The following CYP2C19 variants were observed in gnomAD, a reference collection of about 807,000 sequenced individuals.
CYP2C19 encodes the protein cytochrome P450 family 2 subfamily C member 19.
In CYP2C19, 59 loss-of-function variants were observed where a neutral mutation model predicts 40.9. The observed-to-expected ratio is 1.44, with a 90% CI of 1.17 to 1.79. CYP2C19 has a LOEUF of 1.79. Ranked by LOEUF, CYP2C19 falls within the 40% of genes most tolerant of loss-of-function variation. The probability of loss-of-function intolerance (pLI) is 0.00; values close to 1 mark genes in which losing one functional copy is unlikely to be tolerated. For missense variants in CYP2C19, 754 were observed against 596.9 expected (o/e 1.26, Z -2.74); for synonymous variants, 253 against 208.7 (o/e 1.21, Z -1.83).
chr10:94,829,571 A>C (rs1276755268), intron 6 of CYP2C19, among the ~76,000 whole-genome samples: 4 of 152,032 alleles, frequency 2.6e-5, no homozygotes, highest in African/African-American at 7.2e-5. Context: ...TTTTTTTCAA[A>C]GTTTTCAACT....
rs547041735 is a variant in CYP2C19, at chr10:94,848,928, G to T, written c.1150-989G>T. ...CTTGTGATTTTTGTCCATTGATTTT[G>T]TATCCTGAGACTTTGCTGAAGTTGT... is the stretch of plus-strand genomic sequence containing the variant. On this transcript the variant is annotated intron_variant, in intron 7 of 8. Transcript: ENST00000371321. Among the ~76,000 whole-genome samples the T allele has an allele frequency of 3.1e-3, 474 of 152,258 alleles. 3 individuals are homozygous for T. The highest frequency in any genetic ancestry group is 0.011 in the African/African-American group (451 of 41,540).
intron 1 of CYP2C19, among the ~76,000 whole-genome samples, chr10:94,766,409 G>T (rs1452621692): frequency 6.6e-6 from 1 of 152,082 alleles, no homozygotes; most frequent in African/African-American, 2.4e-5. Flanking sequence ...CGAGTAAAAG[G>T]TAGGAGTAAA....
At position 94,788,451 on chromosome 10, in the gene CYP2C19, T is replaced by C. The variant is rs542113581; in HGVS notation, c.819+6454T>C. The stretch of plus-strand genomic sequence containing the variant: ...TGGGGTACATCTGCAGAACGTGCAG[T>C]TTTGCTACATAGGTATATACGCACC... On this transcript the variant is annotated intron_variant, in intron 5 of 8. Transcript: ENST00000371321. 1.7e-4 allele frequency among the ~76,000 whole-genome samples: 26 copies of C among 152,186 alleles called. No homozygotes were observed. In the South Asian group the frequency reaches 4.6e-3, roughly 27 times the overall value.
intron 5 of CYP2C19, 41 bp from the exon 6 acceptor site, chr10:94,820,455 G>T (rs1416118556): frequency 6.2e-7 from 1 of 1,608,630 alleles, no homozygotes; most frequent in Non-Finnish European, 8.5e-7. Flanking sequence ...CAAATATGCT[G>T]TTAAATAATT....
chr10:94,790,573 G>A (rs945465314), intron 5 of CYP2C19, among the ~76,000 whole-genome samples: 11 of 152,060 alleles, frequency 7.2e-5, no homozygotes, highest in East Asian at 1.9e-4. Flanking sequence ...GAATTTTGTC[G>A]AAGGCCTTTT....
rs774997677 is a variant in CYP2C19 at position 94,820,538 on chromosome 10, G to A, written c.862G>A (p.Val288Ile). Residue 288 changes from valine (V) to isoleucine (I), a missense_variant, in exon 6 of 9, where the codon GTA (valine) becomes ATA (isoleucine). By Grantham distance (29) the Val-to-Ile change is conservative. Coordinates refer to ENST00000371321, the MANE Select transcript of CYP2C19 (RefSeq NM_000769.4). ...QQSEFTIENLVITAADLLGAG... is the reference protein window; with the variant it reads ...QQSEFTIENLIITAADLLGAG... ...GTCTGAATTCACTATTGAAAACTTG[G>A]TAATCACTGCAGCTGACTTACTTGG... 4.5e-5 allele frequency: 73 copies of A among 1,614,024 alleles called. No homozygotes were observed. The highest frequency in any genetic ancestry group is 5.8e-5 in the Non-Finnish European group (69 of 1,180,026).
chr10:94,818,272 A>G (rs1849044849), intron 5 of CYP2C19, among the ~76,000 whole-genome samples: 1 of 147,660 alleles, frequency 6.8e-6, no homozygotes, highest in African/African-American at 2.5e-5. Flanking sequence ...TACCAGTACC[A>G]TGCTGTTTTG....
chr10:94,840,365 C>T (rs771254525), intron 6 of CYP2C19, among the ~76,000 whole-genome samples: 3 of 151,614 alleles, frequency 2.0e-5, no homozygotes, highest in South Asian at 2.1e-4. Context: ...ATGGGTCCCA[C>T]GTAACTGCCC....
At chr10:94,794,120 G>A (rs757106029) in intron 5 of CYP2C19, among the ~76,000 whole-genome samples, 9 of 152,156 alleles carry the variant, frequency 5.9e-5, no homozygotes, top group Non-Finnish European at 1.3e-4. Context: ...TGCTGTGCTA[G>A]CATTGAGCGA....
intron 3 of CYP2C19, 132 bp from the exon 4 acceptor site, chr10:94,780,366 CT>C (rs1352829600): frequency 5.9e-6 from 7 of 1,184,526 alleles, no homozygotes; most frequent in Non-Finnish European, 7.0e-6. Context: ...ATGCCAAACT[CT>C]TTTTTGCTTT....
intron 1 of CYP2C19, among the ~76,000 whole-genome samples, chr10:94,771,571 C>T (rs1387785933): frequency 6.6e-6 from 1 of 152,078 alleles, no homozygotes; most frequent in East Asian, 1.9e-4. Flanking sequence ...AATGAGCCAC[C>T]TCTTTTTCAG....
chr10:94,802,685 T>C (rs1162797781), intron 5 of CYP2C19, among the ~76,000 whole-genome samples: 2 of 152,144 alleles, frequency 1.3e-5, no homozygotes, highest in African/African-American at 4.8e-5. Context: ...GAGTCAATGA[T>C]CTTTACAATT....
At chr10:94,847,936 C>T (rs1849597182) in intron 7 of CYP2C19, among the ~76,000 whole-genome samples, 1 of 151,980 alleles carries the variant, frequency 6.6e-6, no homozygotes, top group Non-Finnish European at 1.5e-5. Context: ...TTGTTTTTTT[C>T]TTGTAAATTT....
At chr10:94,826,532 T>A (rs1257487830) in intron 6 of CYP2C19, among the ~76,000 whole-genome samples, 2 of 152,238 alleles carry the variant, frequency 1.3e-5, no homozygotes, top group Non-Finnish European at 2.9e-5. Flanking sequence ...TTGCTGAAGT[T>A]GTTTATCAGC....
At position 94,850,299 on chromosome 10, in the gene CYP2C19, G is replaced by T. The variant is rs17882572; in HGVS notation, c.1291+241G>T. ...GAGAAAGCTGAAGTATAGGTTGGTT[G>T]AATTCTGCCTCTAGATACACCACTG... On this transcript the variant is annotated intron_variant, in intron 8 of 8. Transcript: ENST00000371321. 8.3e-3 allele frequency among the ~76,000 whole-genome samples: 1,269 copies of T among 152,230 alleles called. 21 individuals are homozygous for T. The highest frequency in any genetic ancestry group is 0.061 in the East Asian group (318 of 5,176).
At chr10:94,794,884 T>G (rs549571514) in intron 5 of CYP2C19, among the ~76,000 whole-genome samples, 1 of 152,206 alleles carries the variant, frequency 6.6e-6, no homozygotes, top group South Asian at 2.1e-4. Context: ...CCTAATTGAA[T>G]ACCCTTTATT....
In CYP2C19 at chr10:94,828,387, T is replaced by C. The variant is rs202041037; in HGVS notation, c.961+7750T>C. ...ATATATTTAGCATAGTTAGCTCTTC[T>C]TGTTGAATTGATCCCTTTACCATTA... On this transcript the variant is annotated intron_variant, in intron 6 of 8. Transcript: ENST00000371321. 5.0e-4 allele frequency among the ~76,000 whole-genome samples: 76 copies of C among 151,266 alleles called. No homozygotes were observed. The East Asian group carries it at 0.011, about 21-fold the overall frequency.
At chr10:94,790,525 T>C (rs1256884295) in intron 5 of CYP2C19, among the ~76,000 whole-genome samples, 1 of 152,166 alleles carries the variant, frequency 6.6e-6, no homozygotes, top group Non-Finnish European at 1.5e-5. Context: ...GTTCTATCAA[T>C]ACCTAATTTA....
intron 5 of CYP2C19, among the ~76,000 whole-genome samples, chr10:94,805,484 T>A (rs911490455): frequency 6.6e-6 from 1 of 152,226 alleles, no homozygotes; most frequent in Non-Finnish European, 1.5e-5. Context: ...ATTTTAAGTG[T>A]ATAGTGTATT....
Sources: allele counts gnomAD v4.1 joint callset (sites outside exome capture counted in the v4.1 genomes callset), GRCh38; gene constraint gnomAD v4.1.1; transcripts MANE v1.5; gene names NCBI Gene and HGNC (gene_info 2026-07-23, HGNC 2026-07-21).